The following RBM10 variants were observed in gnomAD, a reference collection of about 807,000 sequenced individuals.
The protein encoded by RBM10 is RNA-binding protein 10.
RBM10 carries 1 observed loss-of-function variant against 84.9 expected under a neutral mutation model. That is an observed-to-expected ratio of 0.01 (90% CI 0.00 to 0.06). RBM10 has a LOEUF of 0.06. Among genes scored for constraint, RBM10 ranks in the 10% least tolerant of loss-of-function variants. RBM10 has a pLI of 1.00. For synonymous variants in RBM10, 326 were observed against 344.5 expected (o/e 0.95, Z 0.60); for missense variants, 438 against 839.0 (o/e 0.52, Z 5.90).
In RBM10 at chrX:47,179,159, G is replaced by A. The variant is rs781866404; in HGVS notation, c.720G>A (p.Lys240=). The A allele has an allele frequency of 1.7e-6, 2 of 1,209,272 alleles. No individual in the cohort carries two copies. Among genetic ancestry groups the A allele is most frequent in the East Asian group, 5.9e-5 (2 of 33,686 alleles). The change falls in exon 8 of 24, where the codon AAG becomes AAA. Residue 240 remains lysine (K), a synonymous_variant. Transcript: ENST00000377604. ...AGTGCTTCAAATGTGGCGTGCCCAA[G>A]TCAGGTGAGGCCCACCTACCTCTCG... is the stretch of plus-strand genomic sequence containing the variant. ...REKCFKCGVP[K]SEAEQKLPLG...
intron 2 of RBM10, among the ~76,000 whole-genome samples, chrX:47,162,826 G>A (rs1556767222): frequency 9.3e-6 from 1 of 107,488 alleles, no homozygotes; most frequent in Non-Finnish European, 1.9e-5. Flanking sequence ...AGCTGAGATG[G>A]CGCCACCGCA....
chrX:47,167,169 C>A (rs1420256996), intron 2 of RBM10, among the ~76,000 whole-genome samples: 1 of 110,847 alleles, frequency 9.0e-6, no homozygotes, highest in Non-Finnish European at 1.9e-5. Context: ...TTCCTTTCCC[C>A]ATATTTTTTC....
intron 13 of RBM10, 42 bp from the exon 14 acceptor site, chrX:47,181,465 C>T (rs1556779324): frequency 8.3e-7 from 1 of 1,210,965 alleles, no homozygotes; most frequent in South Asian, 1.8e-5. Context: ...TCCCCGGCCC[C>T]ATTATTCACA....
chrX:47,167,326 G>A (rs368169982), intron 2 of RBM10, among the ~76,000 whole-genome samples: 1 of 108,143 alleles, frequency 9.2e-6, no homozygotes, highest in Admixed American at 9.9e-5. Flanking sequence ...CCCATTTCAA[G>A]ATTATAAAGA....
chrX:47,162,834 G>A (rs963852108), intron 2 of RBM10, among the ~76,000 whole-genome samples: 3 of 107,168 alleles, frequency 2.8e-5, no homozygotes, highest in African/African-American at 1.0e-4. Context: ...TGGCGCCACC[G>A]CACTCCAGCC....
rs1935383399 is a variant in RBM10, at chrX:47,179,646, G to A, written c.901+151G>A. The A allele has an allele frequency of 6.3e-6, 5 of 788,661 alleles. No homozygotes were observed. The African/African-American group carries it at 8.1e-5, about 13-fold the overall frequency. 65.0% of individuals were successfully genotyped at this position (788,661 alleles called of 1,213,427 possible). A position where few individuals can be genotyped will look rare whatever the true frequency, so the allele number is the denominator to read the frequency against. On this transcript the variant is annotated intron_variant, in intron 9 of 23. Coordinates refer to ENST00000377604, the MANE Select transcript of RBM10 (RefSeq NM_005676.5). ...TTGATGTAGGGAGAACAGGGGGAGT[G>A]GCAACATCCCACCTGACTTTGGGGG...
chrX:47,173,222 C>A lies in RBM10; in HGVS notation c.502+25C>A, dbSNP rs781885507. Reference sequence around the variant, plus strand: ...GGTGAGCTTTTGTTCTAGTGCCCTCCCCTTCAAGTGGCCAGCCTCAGCCTC... The same window carrying A: ...GGTGAGCTTTTGTTCTAGTGCCCTCACCTTCAAGTGGCCAGCCTCAGCCTC... On this transcript the variant is annotated intron_variant, in intron 5 of 23. Coordinates refer to ENST00000377604, the MANE Select transcript of RBM10 (RefSeq NM_005676.5). The A allele has an allele frequency of 8.3e-6, 10 of 1,208,847 alleles. No homozygotes were observed. In the South Asian group the frequency reaches 1.6e-4, roughly 19 times the overall value.
At chrX:47,154,550 CAG>C (rs1313243367) in intron 2 of RBM10, among the ~76,000 whole-genome samples, 13 of 109,594 alleles carry the variant, frequency 1.2e-4, no homozygotes, top group Non-Finnish European at 1.7e-4. Flanking sequence ...TTTCCAGGCT[CAG>C]GGGATTCTTG....
At chrX:47,152,441 CTTTTTTTTTTTTTT>C (rs782688935) in intron 2 of RBM10, among the ~76,000 whole-genome samples, 2 of 65,235 alleles carry the variant, frequency 3.1e-5, no homozygotes, top group East Asian at 5.5e-4. Flanking sequence ...CACTCTATAT[CTTTTTTTTTTTTTT>C]TTTTTTTTTT....
intron 2 of RBM10, chrX:47,157,871 C>G (rs1244146663): frequency 3.3e-6 from 1 of 298,924 alleles, no homozygotes; most frequent in Non-Finnish European, 5.9e-6. Context: ...CCTCTGCCCC[C>G]CAGGTTCAAG....
rs1556781621 is a variant in RBM10, at chrX:47,185,311, G to T, written c.2110G>T (p.Ala704Ser). The change falls in exon 19 of 24, where the codon GCC (alanine) becomes TCC (serine). Residue 704 changes from alanine (A) to serine (S), a missense_variant. By Grantham distance (99) the Ala-to-Ser change is moderately conservative. Around this residue, in one of 8 missense-constraint regions of RBM10, gnomAD observed 21 missense variants for 16.1 expected, o/e 1.30. Coordinates refer to ENST00000377604, the MANE Select transcript of RBM10 (RefSeq NM_005676.5). ...YAILEKKGAL[A>S]ERQHTSMDLP... ...TGTCCCTCCACCCCAGGGAGCACTAGCCGAGAGACAGCACACCAGCATGGA... is the reference window on the plus strand; with the variant it reads ...TGTCCCTCCACCCCAGGGAGCACTATCCGAGAGACAGCACACCAGCATGGA... 2 of 1,210,930 alleles carry T rather than the reference G, an allele frequency of 1.7e-6. No individual in the cohort carries two copies. Among genetic ancestry groups the T allele is most frequent in the East Asian group, 5.9e-5 (2 of 33,789 alleles).
rs1935810876 is a variant in RBM10 at position 47,185,142 on chromosome X, C to A, written c.2038C>A (p.Arg680=). The A allele has an allele frequency of 8.3e-7, 1 of 1,210,659 alleles. No homozygotes were observed. The highest frequency in any genetic ancestry group is 1.7e-5 in the African/African-American group (1 of 57,381). The change falls in exon 18 of 24, where the codon CGA becomes AGA. Residue 680 remains arginine (R), a synonymous_variant. Coordinates refer to ENST00000377604, the MANE Select transcript of RBM10 (RefSeq NM_005676.5). ...KNSFQPISSL[R]DDERRESATA... is the part of the protein sequence containing the mutation. ...TAGCTTCCAGCCTATCAGCTCCCTG[C>A]GAGATGACGAGAGGCGGGAGTCAGC...
chrX:47,159,914 G>A (rs1933532666), intron 2 of RBM10, among the ~76,000 whole-genome samples: 1 of 111,981 alleles, frequency 8.9e-6, no homozygotes, highest in South Asian at 3.7e-4. Flanking sequence ...GAGGCAGGCG[G>A]ATCACCTGAG....
chrX:47,146,240 G>A (rs1453031136), intron 1 of RBM10, among the ~76,000 whole-genome samples: 5 of 110,785 alleles, frequency 4.5e-5, no homozygotes, highest in Non-Finnish European at 9.5e-5. Flanking sequence ...GGATGTTACT[G>A]TGTGACTCTG....
chrX:47,181,482 G>A, intron 13 of RBM10, 25 bp from the exon 14 acceptor site: 1 of 1,211,501 alleles, frequency 8.3e-7, no homozygotes, highest in Non-Finnish European at 1.1e-6. Context: ...CACAGGCATT[G>A]TCCCTGCCCT....
intron 2 of RBM10, among the ~76,000 whole-genome samples, chrX:47,153,089 G>A (rs782623592): frequency 1.8e-5 from 2 of 110,426 alleles, no homozygotes; most frequent in African/African-American, 6.6e-5. Context: ...CAGGTGATCC[G>A]CCCATCTCGG....
chrX:47,176,673 C>G, intron 7 of RBM10, 87 bp downstream of exon 7: 1 of 1,171,316 alleles, frequency 8.5e-7, no homozygotes, highest in East Asian at 3.1e-5. Flanking sequence ...CGCTCTTTCT[C>G]CCTCCATCTC....
At chrX:47,164,230 G>A (rs1933991479) in intron 2 of RBM10, among the ~76,000 whole-genome samples, 1 of 110,850 alleles carries the variant, frequency 9.0e-6, no homozygotes, top group Admixed American at 9.7e-5. Context: ...ACCCACAATG[G>A]GAAAACATAT....
chrX:47,172,179 G>A (rs1480790434), intron 4 of RBM10, among the ~76,000 whole-genome samples: 3 of 112,353 alleles, frequency 2.7e-5, no homozygotes, highest in Non-Finnish European at 5.6e-5. Flanking sequence ...GTGGGAATGT[G>A]ACTTGCCCCA....
Sources: gnomAD v4.1 joint callset for allele counts (sites outside exome capture counted in the v4.1 genomes callset) on GRCh38, gnomAD v4.1.1 for gene constraint, gnomAD v4.1.1 regional missense constraint, MANE v1.5 for transcripts, NCBI Gene and HGNC (gene_info 2026-07-23, HGNC 2026-07-21) for gene names.